SFTPD: variants seen among roughly 807,000 people sequenced by gnomAD.
SFTPD encodes the protein pulmonary surfactant-associated protein D.
A neutral mutation model predicts 34.6 loss-of-function variants in SFTPD; 18 were observed. That is an observed-to-expected ratio of 0.52 (90% CI 0.36 to 0.77). The LOEUF (loss-of-function observed/expected upper bound fraction) is 0.77, where lower values mean the gene tolerates loss of function less well. Ranked by LOEUF, SFTPD falls within the 30% of genes least tolerant of loss-of-function variation. The probability of loss-of-function intolerance (pLI) is 0.00; values close to 1 mark genes in which losing one functional copy is unlikely to be tolerated. For missense variants in SFTPD, 433 were observed against 468.9 expected, an observed-to-expected ratio of 0.92 and a Z score of 0.71; for synonymous variants, 155 against 180.9, an observed-to-expected ratio of 0.86 and a Z score of 1.15.
At position 79,946,503 on chromosome 10, in the gene SFTPD, G is replaced by A. The variant is rs754231965; in HGVS notation, c.157C>T (p.Arg53Trp). The change falls in exon 2 of 8, where the codon CGG becomes TGG. Residue 53 changes from arginine (R) to tryptophan (W), a missense_variant. Coordinates refer to ENST00000372292, the MANE Select transcript of SFTPD (RefSeq NM_003019.5). Reference sequence around the variant, plus strand: ...CCCCGAGGGCCCTCTCTCCCATCCCGTCCATCGCGACCAGGCAGGCCACTC... The same window carrying A: ...CCCCGAGGGCCCTCTCTCCCATCCCATCCATCGCGACCAGGCAGGCCACTC... ...VESGLPGRDG[R>W]DGREGPRGEK... 43 of 1,613,942 alleles carry A rather than the reference G, an allele frequency of 2.7e-5. No homozygotes were observed. The highest frequency in any genetic ancestry group is 4.5e-5 in the East Asian group (2 of 44,884).
chr10:79,955,890 T>C (rs10887235), intron 1 of SFTPD, among the ~76,000 whole-genome samples: 22,300 of 152,206 alleles, frequency 0.15, 2,068 homozygotes, highest in East Asian at 0.41. Flanking sequence ...ATTACTTCTG[T>C]CTCCTGCATC....
intron 1 of SFTPD, among the ~76,000 whole-genome samples, chr10:79,974,867 G>C (rs185450086): frequency 9.2e-5 from 14 of 152,214 alleles, no homozygotes; most frequent in African/African-American, 2.9e-4. Context: ...GAGGTGTAAA[G>C]TGGGAAATCA....
intron 2 of SFTPD, among the ~76,000 whole-genome samples, chr10:79,944,382 G>T (rs1487073464): frequency 6.6e-6 from 1 of 152,202 alleles, no homozygotes. Context: ...TGGGGGTAGG[G>T]TCTGTTTTTG....
chr10:79,970,325 T>C (rs1373980638), intron 1 of SFTPD: 1 of 152,238 alleles, frequency 6.6e-6, no homozygotes, highest in Non-Finnish European at 1.5e-5. Context: ...AGCTGCATTC[T>C]TTTAGCTCCA....
At position 79,946,489 on chromosome 10, in the gene SFTPD, C is replaced by T. The variant is rs759805568; in HGVS notation, c.171G>A (p.Glu57=). Residue 57 remains glutamate, a synonymous_variant, in exon 2 of 8, where the codon GAG becomes GAA. Transcript: ENST00000372292. ...GGTCCCCCTTCTCGCCCCGAGGGCCCTCTCTCCCATCCCGTCCATCGCGAC... is the reference window on the plus strand; with the variant it reads ...GGTCCCCCTTCTCGCCCCGAGGGCCTTCTCTCCCATCCCGTCCATCGCGAC... ...LPGRDGRDGR[E]GPRGEKGDPG... is the part of the protein sequence containing the mutation. 13 of 1,613,938 alleles carry T rather than the reference C, an allele frequency of 8.1e-6. No homozygotes were observed. The highest frequency in any genetic ancestry group is 1.1e-5 in the Non-Finnish European group (13 of 1,179,942).
chr10:79,956,269 G>A (rs887701320), intron 1 of SFTPD, among the ~76,000 whole-genome samples: 27 of 152,190 alleles, frequency 1.8e-4, no homozygotes, highest in Non-Finnish European at 1.5e-4. Context: ...CTGAGGTACC[G>A]GGTTCATCTC....
At chr10:79,962,282 A>C (rs1842778063) in intron 1 of SFTPD, among the ~76,000 whole-genome samples, 1 of 149,352 alleles carries the variant, frequency 6.7e-6, no homozygotes, top group Non-Finnish European at 1.5e-5. Flanking sequence ...GTACCCTAAA[A>C]CTTAAAGTAT....
intron 1 of SFTPD, among the ~76,000 whole-genome samples, chr10:79,957,723 T>C (rs557365801): frequency 6.6e-6 from 1 of 152,286 alleles, no homozygotes; most frequent in Admixed American, 6.5e-5. Context: ...TGGAAAACAC[T>C]CTGCAGGATA....
At chr10:79,961,745 A>G (rs953749432) in intron 1 of SFTPD, among the ~76,000 whole-genome samples, 56 of 152,224 alleles carry the variant, frequency 3.7e-4, no homozygotes, top group African/African-American at 1.3e-3. Context: ...GTGATTCCTC[A>G]GGGATCTAGA....
chr10:79,947,084 C>G (rs890386835), intron 1 of SFTPD, among the ~76,000 whole-genome samples: 2 of 152,218 alleles, frequency 1.3e-5, no homozygotes, highest in African/African-American at 4.8e-5. Flanking sequence ...ACCACTGAGG[C>G]AACTGGCTTA....
chr10:79,969,025 TAA>T (rs1184896678), intron 1 of SFTPD: 1 of 152,216 alleles, frequency 6.6e-6, no homozygotes. Flanking sequence ...TTTTGCCTGT[TAA>T]TTTAAGTTCC....
At chr10:79,968,705 G>A (rs1033311745) in intron 1 of SFTPD, 1 of 152,162 alleles carries the variant, frequency 6.6e-6, no homozygotes, top group African/African-American at 2.4e-5. Flanking sequence ...GTCAAAAGTA[G>A]TTCTGGGTCA....
chr10:79,941,874 G>C, intron 5 of SFTPD, 80 bp downstream of exon 5: 1 of 889,752 alleles, frequency 1.1e-6, no homozygotes, highest in Non-Finnish European at 1.9e-6. Flanking sequence ...GTGGGTGGTG[G>C]AGGGGGTGTA....
chr10:79,947,614 C>T (rs940813433), intron 1 of SFTPD, among the ~76,000 whole-genome samples: 38 of 152,018 alleles, frequency 2.5e-4, no homozygotes, highest in Non-Finnish European at 5.0e-4. Context: ...CTCTTGAACC[C>T]GGGAGGTGGA....
At chr10:79,954,862 T>A (rs1313096800) in intron 1 of SFTPD, among the ~76,000 whole-genome samples, 1 of 152,184 alleles carries the variant, frequency 6.6e-6, no homozygotes, top group Admixed American at 6.5e-5. Flanking sequence ...AAACCCCTGG[T>A]GGCCTTGGGA....
upstream of SFTPD, among the ~76,000 whole-genome samples, chr10:79,952,204 G>A (rs1191490084): frequency 6.6e-6 from 1 of 152,238 alleles, no homozygotes; most frequent in African/African-American, 2.4e-5. Context: ...CATATGGGGA[G>A]GAGGATAAAC....
chr10:79,938,740 T>A (rs574287664), intron 7 of SFTPD, among the ~76,000 whole-genome samples: 73 of 152,212 alleles, frequency 4.8e-4, no homozygotes, highest in African/African-American at 1.7e-3. Context: ...GGGTCTGTGC[T>A]GTGTGATGGG....
At chr10:79,942,570 G>A in intron 3 of SFTPD, 66 bp from the exon 4 acceptor site, 2 of 1,133,236 alleles carry the variant, frequency 1.8e-6, no homozygotes, top group Admixed American at 1.7e-5. Context: ...GTGTAGTAAG[G>A]TGAGGGTAAT....
intron 2 of SFTPD, among the ~76,000 whole-genome samples, chr10:79,944,256 C>T (rs1842643604): frequency 6.6e-6 from 1 of 152,214 alleles, no homozygotes; most frequent in Admixed American, 6.5e-5. Flanking sequence ...ATAAACAGCC[C>T]TTCTCTGGGG....
Sources: gnomAD v4.1 joint callset for allele counts (sites outside exome capture counted in the v4.1 genomes callset) on GRCh38, gnomAD v4.1.1 for gene constraint, MANE v1.5 for transcripts, NCBI Gene and HGNC (gene_info 2026-07-23, HGNC 2026-07-21) for gene names.